TUT4: variants seen among roughly 807,000 people sequenced by gnomAD.
TUT4 encodes the protein terminal uridylyl transferase 4, also known as terminal uridylyltransferase 4.
TUT4 carries 36 observed loss-of-function variants against 192.2 expected under a neutral mutation model. The observed-to-expected ratio is 0.19, with a 90% confidence interval of 0.14 to 0.25. The LOEUF (loss-of-function observed/expected upper bound fraction) is 0.25. Ranked by LOEUF, TUT4 falls within the 10% of genes least tolerant of loss-of-function variation. TUT4 has a pLI of 1.00. For missense variants in TUT4, 1,493 were observed against 1,957.2 expected, an observed-to-expected ratio of 0.76 and a Z score of 4.47; for synonymous variants, 618 against 666.0, an observed-to-expected ratio of 0.93 and a Z score of 1.11.
In TUT4 at chr1:52,428,901, TA is replaced by T. The variant is rs745780024; in HGVS notation, c.4711+2111del. ...TTTTTTTAAGTGACACAACTGAAGT[TA>T]AAAAGCAAATTTGATGCAATGTCTG... On this transcript the variant is annotated intron_variant, in intron 28 of 29. Transcript: ENST00000257177. Among the ~76,000 whole-genome samples the T allele has an allele frequency of 4.1e-4, 63 of 152,078 alleles. 1 individual carries two copies. Among genetic ancestry groups the T allele is most frequent in the Non-Finnish European group, 5.3e-4 (36 of 68,012 alleles).
intron 1 of TUT4, among the ~76,000 whole-genome samples, chr1:52,537,268 AG>A (rs2149595730): frequency 6.6e-6 from 1 of 152,330 alleles, no homozygotes; most frequent in Non-Finnish European, 1.5e-5. Flanking sequence ...CAAAGAGCAA[AG>A]GCGTTATAAG....
intron 1 of TUT4, among the ~76,000 whole-genome samples, chr1:52,545,057 C>CA (rs1553238494): frequency 0.19 from 16,952 of 89,958 alleles, 3,097 homozygotes; most frequent in African/African-American, 0.48. Context: ...ACCTTGTCCC[C>CA]AAAAAAAAAA....
At chr1:52,547,928 T>C (rs1234979402) in intron 1 of TUT4, among the ~76,000 whole-genome samples, 2 of 152,184 alleles carry the variant, frequency 1.3e-5, no homozygotes, top group Non-Finnish European at 2.9e-5. Context: ...TAAATAGTGA[T>C]GGTTACACAA....
chr1:52,535,710 A>T (rs144227453), intron 1 of TUT4, among the ~76,000 whole-genome samples: 18 of 152,340 alleles, frequency 1.2e-4, no homozygotes, highest in Non-Finnish European at 2.2e-4. Flanking sequence ...AGCAGCGTAA[A>T]CTCAAAGAAA....
intron 28 of TUT4, among the ~76,000 whole-genome samples, chr1:52,428,954 T>G (rs1474283396): frequency 6.6e-6 from 1 of 152,122 alleles, no homozygotes; most frequent in Non-Finnish European, 1.5e-5. Flanking sequence ...GTCAAAAATA[T>G]TTTTAATGGC....
chr1:52,525,672 T>C lies in TUT4; in HGVS notation c.609A>G (p.Lys203=), dbSNP rs3795363. ...KVNIEAVGGE[K]CALQNSPRSQ... is the part of the protein sequence containing the mutation. ...ATCGTGGTGAGTTTTGCAGAGCACA[T>C]TTTTCTCCCCCTACAGCTTCAATAT... The change falls in exon 2 of 30, where the codon AAA becomes AAG. Residue 203 remains lysine, a synonymous_variant. Transcript: ENST00000257177. The C allele has an allele frequency of 1.3e-3, 2,137 of 1,614,118 alleles. 36 individuals are homozygous for C. The East Asian group carries it at 0.034, about 26-fold the overall frequency.
intron 4 of TUT4, 48 bp downstream of exon 4, chr1:52,509,547 GT>G: frequency 9.5e-7 from 1 of 1,053,438 alleles, no homozygotes; most frequent in Non-Finnish European, 1.4e-6. Context: ...ATTCAATATG[GT>G]TTTACAACTT....
At chr1:52,462,175 C>CTTTTTTTTTTTTTTTT (rs1210058850) in intron 16 of TUT4, 3 of 121,060 alleles carry the variant, frequency 2.5e-5, no homozygotes, top group Non-Finnish European at 1.7e-5. Flanking sequence ...GGATTCAAAT[C>CTTTTTTTTTTTTTTTT]TTTTTTTTTT....
Position 52,514,571 on chromosome 1 carries a change from C to T in TUT4, c.882+1320G>A, listed in dbSNP as rs564395879. Among the ~76,000 whole-genome samples, 7 of 152,226 alleles carry T rather than the reference C, an allele frequency of 4.6e-5. No individual in the cohort carries two copies. In the South Asian group the frequency reaches 1.2e-3, roughly 27 times the overall value. On this transcript the variant is annotated intron_variant, in intron 3 of 29. Coordinates refer to ENST00000257177, the MANE Select transcript of TUT4 (RefSeq NM_001009881.3). ...TATGGTCCTCTACTTCTTGATATTC[C>T]TTTCTCTTTTCATGTGGCGACTACT...
chr1:52,532,625 C>T (rs1266368966), intron 1 of TUT4, among the ~76,000 whole-genome samples: 1 of 152,132 alleles, frequency 6.6e-6, no homozygotes, highest in East Asian at 1.9e-4. Flanking sequence ...CTATTATCTG[C>T]TAACTTCCTA....
intron 13 of TUT4, among the ~76,000 whole-genome samples, chr1:52,473,982 G>A (rs746095248): frequency 3.3e-5 from 5 of 152,106 alleles, no homozygotes; most frequent in Non-Finnish European, 7.4e-5. Flanking sequence ...CAAAGCAGGC[G>A]GATCACTTGA....
intron 22 of TUT4, 56 bp downstream of exon 22, chr1:52,446,208 TC>T: frequency 4.6e-6 from 7 of 1,525,062 alleles, no homozygotes; most frequent in Non-Finnish European, 4.4e-6. Flanking sequence ...AGTTTTCCCC[TC>T]AATTTCGTTG....
intron 14 of TUT4, among the ~76,000 whole-genome samples, chr1:52,471,693 G>A (rs905064163): frequency 6.6e-6 from 1 of 152,044 alleles, no homozygotes; most frequent in Non-Finnish European, 1.5e-5. Context: ...AGCCACATAG[G>A]CTAGAAGCTA....
chr1:52,485,570 C>T (rs577438142), intron 9 of TUT4, among the ~76,000 whole-genome samples: 2 of 151,924 alleles, frequency 1.3e-5, no homozygotes, highest in African/African-American at 2.4e-5. Flanking sequence ...TATTGTTTTG[C>T]CTTTGTTTTT....
chr1:52,503,122 C>G (rs972910556), intron 4 of TUT4, among the ~76,000 whole-genome samples: 6 of 152,174 alleles, frequency 3.9e-5, no homozygotes, highest in African/African-American at 1.4e-4. Context: ...AAATATCGTC[C>G]TACAACTACA....
At chr1:52,501,620 AC>A (rs1011082750) in intron 4 of TUT4, among the ~76,000 whole-genome samples, 3 of 152,206 alleles carry the variant, frequency 2.0e-5, no homozygotes, top group African/African-American at 7.2e-5. Flanking sequence ...TATACAAAAA[AC>A]AAATGAAAAA....
intron 4 of TUT4, among the ~76,000 whole-genome samples, chr1:52,503,101 T>TTAC (rs1674619863): frequency 6.6e-6 from 1 of 152,214 alleles, no homozygotes; most frequent in Non-Finnish European, 1.5e-5. Context: ...ATACTGAGGC[T>TTAC]TACAGATGTT....
intron 3 of TUT4, among the ~76,000 whole-genome samples, chr1:52,514,453 A>G (rs1678149186): frequency 6.6e-6 from 1 of 152,168 alleles, no homozygotes; most frequent in Non-Finnish European, 1.5e-5. Flanking sequence ...AAAACAAAAC[A>G]AAACAAAAAG....
chr1:52,449,912 CATA>C (rs1390606990), intron 20 of TUT4, among the ~76,000 whole-genome samples: 2 of 152,148 alleles, frequency 1.3e-5, no homozygotes, highest in African/African-American at 4.8e-5. Flanking sequence ...CTTCACTTAG[CATA>C]ATGTCCTCAA....
Sources: gnomAD v4.1 joint callset for allele counts (sites outside exome capture counted in the v4.1 genomes callset) on GRCh38, gnomAD v4.1.1 for gene constraint, MANE v1.5 for transcripts, NCBI Gene and HGNC (gene_info 2026-07-23, HGNC 2026-07-21) for gene names.